The following TTLL11 variants were observed in gnomAD, a reference collection of about 807,000 sequenced individuals.
TTLL11 encodes the protein tubulin tyrosine ligase like 11.
A neutral mutation model predicts 51.7 loss-of-function variants in TTLL11; 42 were observed. The observed-to-expected ratio is 0.81, with a 90% CI of 0.64 to 1.05. The LOEUF is 1.05. Ranked by LOEUF, TTLL11 falls within the 50% of genes least tolerant of loss-of-function variation. The pLI is 0.00. For missense variants in TTLL11, 799 were observed against 940.4 expected, an observed-to-expected ratio of 0.85 and a Z score of 1.97; for synonymous variants, 381 against 383.5, an observed-to-expected ratio of 0.99 and a Z score of 0.08.
At chr9:122,030,164 GCAA>G (rs1844488922) in intron 3 of TTLL11, among the ~76,000 whole-genome samples, 1 of 126,380 alleles carries the variant, frequency 7.9e-6, no homozygotes, top group Non-Finnish European at 1.6e-5. Context: ...ATTCCACATA[GCAA>G]CAACAGCATG....
intron 6 of TTLL11, among the ~76,000 whole-genome samples, chr9:121,935,880 G>A (rs1371390925): frequency 7.9e-5 from 12 of 152,174 alleles, no homozygotes; most frequent in East Asian, 1.9e-4. Context: ...AGCCTCGCTC[G>A]GTGAACGCCA....
chr9:122,078,238 T>C (rs1202002153), intron 1 of TTLL11, among the ~76,000 whole-genome samples: 4 of 152,004 alleles, frequency 2.6e-5, no homozygotes, highest in South Asian at 2.1e-4. Flanking sequence ...AAAGATACAA[T>C]GGAGATGATC....
At chr9:122,043,305 A>C (rs1392264982) in intron 1 of TTLL11, among the ~76,000 whole-genome samples, 1 of 152,236 alleles carries the variant, frequency 6.6e-6, no homozygotes, top group East Asian at 1.9e-4. Flanking sequence ...TATAGAGGAC[A>C]GTGGGATAGG....
chr9:121,915,221 A>G (rs950228813), intron 6 of TTLL11, among the ~76,000 whole-genome samples: 1 of 152,170 alleles, frequency 6.6e-6, no homozygotes, highest in African/African-American at 2.4e-5. Flanking sequence ...GTGTGTGTGC[A>G]TGTGCATGCA....
intron 3 of TTLL11, among the ~76,000 whole-genome samples, chr9:121,996,005 G>C (rs1843248926): frequency 6.6e-6 from 1 of 152,194 alleles, no homozygotes; most frequent in Non-Finnish European, 1.5e-5. Flanking sequence ...AAGAGTTCCA[G>C]TTAAGAAAAT....
Position 122,031,393 on chromosome 9 carries a change from C to A in TTLL11, c.693+330G>T, listed in dbSNP as rs557555627. Reference sequence around the variant, plus strand: ...GGCCACGGCTCTAGGATTCCCCCAGCGGCCCCATCCTACTTGGGGGCCCAG... The same window carrying A: ...GGCCACGGCTCTAGGATTCCCCCAGAGGCCCCATCCTACTTGGGGGCCCAG... On this transcript the variant is annotated intron_variant, in intron 3 of 8. Transcript: ENST00000321582. Among the ~76,000 whole-genome samples the A allele has an allele frequency of 7.2e-5, 11 of 152,322 alleles. No individual in the cohort carries two copies. In the South Asian group the frequency reaches 1.5e-3, roughly 20 times the overall value.
intron 6 of TTLL11, among the ~76,000 whole-genome samples, chr9:121,930,903 G>T (rs1265771130): frequency 6.6e-6 from 1 of 152,204 alleles, no homozygotes. Flanking sequence ...TATTAAGGTT[G>T]TAAGTATCAC....
At chr9:122,016,939 C>T (rs766715362) in intron 3 of TTLL11, among the ~76,000 whole-genome samples, 4 of 152,134 alleles carry the variant, frequency 2.6e-5, no homozygotes, top group Non-Finnish European at 5.9e-5. Context: ...GCATCCGCCT[C>T]GACTCTTCAC....
intron 2 of TTLL11, among the ~76,000 whole-genome samples, chr9:122,037,307 C>T (rs938005630): frequency 6.6e-6 from 1 of 152,196 alleles, no homozygotes; most frequent in African/African-American, 2.4e-5. Context: ...AAAATAATAG[C>T]TATCCCATTA....
chr9:121,964,287 T>TTTTTTTTGTTTTG (rs1842331989), intron 6 of TTLL11, among the ~76,000 whole-genome samples: 1 of 151,762 alleles, frequency 6.6e-6, no homozygotes, highest in Non-Finnish European at 1.5e-5. Flanking sequence ...TTCTTTTCCT[T>TTTTTTTTGTTTTG]TTTTTTGTTT....
intron 6 of TTLL11, among the ~76,000 whole-genome samples, chr9:121,880,040 G>C (rs1391545186): frequency 6.6e-6 from 1 of 152,122 alleles, no homozygotes; most frequent in Non-Finnish European, 1.5e-5. Context: ...ATAAATGCCA[G>C]AGTGGCCAAA....
At chr9:121,856,260 A>G (rs186983129) in intron 8 of TTLL11, among the ~76,000 whole-genome samples, 108 of 152,224 alleles carry the variant, frequency 7.1e-4, no homozygotes, top group Non-Finnish European at 1.3e-3. Flanking sequence ...TTTAATAGAG[A>G]CGGGGTCTTG....
intron 1 of TTLL11, among the ~76,000 whole-genome samples, chr9:122,083,244 T>C (rs1846043606): frequency 2.0e-5 from 3 of 152,174 alleles, no homozygotes; most frequent in South Asian, 4.1e-4. Flanking sequence ...TGAGCTGAAG[T>C]GATGCATCAC....
chr9:121,942,508 C>G lies in TTLL11; in HGVS notation c.1481+31501G>C, dbSNP rs186804609. Reference sequence around the variant, plus strand: ...CTTTCCTCTACTGTAACCCTGTAACCCCAGCTCCTAGAAGAGTGCCCGGTA... The same window carrying G: ...CTTTCCTCTACTGTAACCCTGTAACGCCAGCTCCTAGAAGAGTGCCCGGTA... On this transcript the variant is annotated intron_variant, in intron 6 of 8. Transcript: ENST00000321582. Among the ~76,000 whole-genome samples, 97 of 152,178 alleles carry G rather than the reference C, an allele frequency of 6.4e-4. No homozygotes were observed. In the Middle Eastern group the frequency reaches 0.014, roughly 21 times the overall value.
intron 1 of TTLL11, among the ~76,000 whole-genome samples, chr9:122,040,903 C>G (rs1164980513): frequency 1.3e-5 from 2 of 152,184 alleles, no homozygotes; most frequent in Non-Finnish European, 2.9e-5. Context: ...CAATGAGATA[C>G]AACATATGTT....
At chr9:121,883,154 T>C (rs1838862925) in intron 6 of TTLL11, among the ~76,000 whole-genome samples, 8 of 152,180 alleles carry the variant, frequency 5.3e-5, no homozygotes. Flanking sequence ...AAATACCACA[T>C]TAATAATTTA....
intron 6 of TTLL11, among the ~76,000 whole-genome samples, chr9:121,927,733 A>G (rs1358035266): frequency 6.6e-6 from 1 of 152,024 alleles, no homozygotes; most frequent in Non-Finnish European, 1.5e-5. Flanking sequence ...AGCGAGGCAA[A>G]GAAGGGCCTA....
At chr9:122,032,989 G>C (rs1844597316) in intron 2 of TTLL11, among the ~76,000 whole-genome samples, 1 of 151,376 alleles carries the variant, frequency 6.6e-6, no homozygotes, top group South Asian at 2.1e-4. Context: ...TTTTTGTAGA[G>C]ACAGGGTCTC....
At chr9:121,844,955 C>T (rs1488837007) in intron 8 of TTLL11, among the ~76,000 whole-genome samples, 1 of 152,042 alleles carries the variant, frequency 6.6e-6, no homozygotes, top group Non-Finnish European at 1.5e-5. Flanking sequence ...AGATTTGAAG[C>T]CGTAATATTT....
Sources: gnomAD v4.1 joint callset for allele counts (sites outside exome capture counted in the v4.1 genomes callset) on GRCh38, gnomAD v4.1.1 for gene constraint, MANE v1.5 for transcripts, NCBI Gene and HGNC (gene_info 2026-07-23, HGNC 2026-07-21) for gene names.